The following NME8 variants were observed in gnomAD, a reference collection of about 807,000 sequenced individuals.
NME8 encodes the protein NME/NM23 family member 8, also known as protein NME8.
A neutral mutation model predicts 82.3 loss-of-function variants in NME8; 72 were observed. The ratio of observed to expected loss-of-function variants is 0.87; its 90% CI spans 0.72 to 1.06. The LOEUF is 1.06. NME8 is among the 50% of genes least tolerant of loss of function. The pLI, the probability that NME8 is intolerant of heterozygous loss-of-function variation, is 0.00. For synonymous variants in NME8, 267 were observed against 228.5 expected (o/e 1.17, Z -1.52); for missense variants, 712 against 685.4 (o/e 1.04, Z -0.43).
intron 6 of NME8, among the ~76,000 whole-genome samples, chr7:37,857,951 C>T (rs1784537488): frequency 6.6e-6 from 1 of 152,178 alleles, no homozygotes; most frequent in Admixed American, 6.6e-5. Flanking sequence ...AATCTCAGCA[C>T]TTTGGGAGGC....
At chr7:37,849,648 A>ATCACG (rs950269948) in intron 2 of NME8, among the ~76,000 whole-genome samples, 1 of 152,122 alleles carries the variant, frequency 6.6e-6, no homozygotes, top group African/African-American at 2.4e-5. Context: ...AGGTGGGAGG[A>ATCACG]TCACGGGTCA....
At chr7:37,875,341 G>C (rs1181538881) in intron 11 of NME8, among the ~76,000 whole-genome samples, 1 of 151,952 alleles carries the variant, frequency 6.6e-6, no homozygotes, top group East Asian at 1.9e-4. Context: ...AATATTTCCT[G>C]AAGTATTTAG....
intron 11 of NME8, among the ~76,000 whole-genome samples, chr7:37,871,799 AG>A (rs981132205): frequency 5.3e-5 from 8 of 152,092 alleles, no homozygotes; most frequent in Non-Finnish European, 1.2e-4. Flanking sequence ...AGCTATAGGG[AG>A]CTTAATTTTT....
At chr7:37,859,451 T>C (rs1004137635) in intron 6 of NME8, among the ~76,000 whole-genome samples, 1 of 152,236 alleles carries the variant, frequency 6.6e-6, no homozygotes, top group African/African-American at 2.4e-5. Flanking sequence ...CTCGCTTCCT[T>C]GGCTTACCTT....
rs2598022 is a variant in NME8 at position 37,876,709 on chromosome 7, A to T, written c.819-123A>T. The T allele has an allele frequency of 0.38, 272,214 of 712,662 alleles. 54,595 individuals carry two copies. The highest frequency in any genetic ancestry group is 0.53 in the East Asian group (19,484 of 36,446). The allele number at this position is 712,662 out of a possible 1,614,324, so 44.1% of individuals were successfully genotyped here. A position where few individuals can be genotyped will look rare whatever the true frequency, so the allele number is the denominator to read the frequency against. On this transcript the variant is annotated intron_variant, in intron 11 of 17. Transcript: ENST00000199447. ...ATAGGGAGATGCAATTTATCTTTAC[A>T]TGACATTTAATTTTTGTTTTATTAA...
At chr7:37,851,646 A>G (rs972399413) in intron 5 of NME8, among the ~76,000 whole-genome samples, 2 of 152,134 alleles carry the variant, frequency 1.3e-5, no homozygotes, top group Non-Finnish European at 2.9e-5. Flanking sequence ...AGTAAAATTT[A>G]TTATCACATT....
intron 11 of NME8, among the ~76,000 whole-genome samples, chr7:37,874,235 TA>T (rs1196211642): frequency 1.3e-5 from 2 of 152,148 alleles, no homozygotes; most frequent in African/African-American, 4.8e-5. Context: ...ATACAGTCCA[TA>T]ATTCTGGGTT....
At chr7:37,889,583 T>C (rs1785097871) in intron 15 of NME8, among the ~76,000 whole-genome samples, 2 of 152,026 alleles carry the variant, frequency 1.3e-5, no homozygotes, top group African/African-American at 2.4e-5. Context: ...AATTAATTAT[T>C]GAAATTTTGT....
Position 37,848,641 on chromosome 7 carries a change from T to C in NME8, c.-328T>C, listed in dbSNP as rs1382776085. The C allele has an allele frequency of 6.6e-6, 1 of 152,412 alleles. No individual in the cohort carries two copies. The highest frequency in any genetic ancestry group is 1.5e-5 in the Non-Finnish European group (1 of 68,196). The allele number at this position is 152,412 out of a possible 1,614,324, so 9.4% of individuals were successfully genotyped here. A position where few individuals can be genotyped will look rare whatever the true frequency, so the allele number is the denominator to read the frequency against. ...GCTGAAGAACAGAGTCTTGTGATGGTGGAACCAGGACTTCGTTGTTCCTTC... is the reference window on the plus strand; with the variant it reads ...GCTGAAGAACAGAGTCTTGTGATGGCGGAACCAGGACTTCGTTGTTCCTTC... On this transcript the variant is annotated 5_prime_UTR_variant, in exon 1 of 18. Coordinates refer to ENST00000199447, the MANE Select transcript of NME8 (RefSeq NM_016616.5).
At chr7:37,894,366 T>A (rs1785183441) in intron 15 of NME8, 100 bp from the exon 16 acceptor site, 2 of 1,279,522 alleles carry the variant, frequency 1.6e-6, no homozygotes, top group Admixed American at 3.5e-5. Context: ...AACCACAATA[T>A]GCAAATTAAA....
At chr7:37,858,241 G>A (rs1304951327) in intron 6 of NME8, among the ~76,000 whole-genome samples, 1 of 152,112 alleles carries the variant, frequency 6.6e-6, no homozygotes, top group Non-Finnish European at 1.5e-5. Context: ...TTCCTCCACT[G>A]TGGATATTTA....
intron 16 of NME8, 127 bp from the exon 17 acceptor site, chr7:37,896,743 G>A (rs576649259): frequency 2.1e-4 from 168 of 782,762 alleles, no homozygotes; most frequent in Non-Finnish European, 3.3e-4. Flanking sequence ...GTACATGATT[G>A]CACTGATAAG....
chr7:37,885,993 G>A (rs996900226), intron 14 of NME8, among the ~76,000 whole-genome samples: 1 of 152,156 alleles, frequency 6.6e-6, no homozygotes, highest in Non-Finnish European at 1.5e-5. Context: ...CTGCAAACAT[G>A]ACATACATGT....
chr7:37,881,803 A>G (rs1461153745), intron 12 of NME8, among the ~76,000 whole-genome samples: 1 of 152,194 alleles, frequency 6.6e-6, no homozygotes, highest in East Asian at 1.9e-4. Flanking sequence ...ATTTTTCAGA[A>G]TGTTATTAAG....
chr7:37,862,218 G>A, intron 7 of NME8, 74 bp downstream of exon 7: 6 of 947,590 alleles, frequency 6.3e-6, no homozygotes, highest in Non-Finnish European at 1.0e-5. Context: ...ATGCACTACT[G>A]GTGCTAGGTA....
rs1483440031 is a variant in NME8, at chr7:37,867,876, A to G, written c.796A>G (p.Met266Val). Reference protein sequence around the residue: ...PEVEAQVTPGMMKNKQDSLQE... With the variant: ...PEVEAQVTPGVMKNKQDSLQE... ...GGTCGAAGCCCAGGTTACACCTGGAATGATGAAGAACAAACAAGACAGGTA... is the reference window on the plus strand; with the variant it reads ...GGTCGAAGCCCAGGTTACACCTGGAGTGATGAAGAACAAACAAGACAGGTA... Residue 266 changes from methionine to valine, a missense_variant, in exon 11 of 18, where the codon ATG becomes GTG. By Grantham distance (21) the Met-to-Val change is conservative (BLOSUM62 1). Transcript: ENST00000199447. 1.9e-6 allele frequency: 3 copies of G among 1,613,660 alleles called. No individual in the cohort carries two copies. Among genetic ancestry groups the G allele is most frequent in the Non-Finnish European group, 2.5e-6 (3 of 1,179,708 alleles).
intron 15 of NME8, among the ~76,000 whole-genome samples, chr7:37,888,791 T>C (rs1785082640): frequency 6.6e-6 from 1 of 152,128 alleles, no homozygotes; most frequent in Non-Finnish European, 1.5e-5. Context: ...CTTCCATTCC[T>C]ATTTACATGT....
intron 2 of NME8, 118 bp from the exon 3 acceptor site, chr7:37,850,142 C>T (rs1562826562): frequency 1.4e-6 from 1 of 737,776 alleles, no homozygotes; most frequent in African/African-American, 1.8e-5. Context: ...TAAATATATA[C>T]ACCTACTATG....
At chr7:37,860,461 G>C (rs1248538768) in intron 6 of NME8, among the ~76,000 whole-genome samples, 1 of 152,094 alleles carries the variant, frequency 6.6e-6, no homozygotes, top group Non-Finnish European at 1.5e-5. Context: ...TTTGAATATG[G>C]TGACCATGCC....
Sources: allele counts gnomAD v4.1 joint callset (sites outside exome capture counted in the v4.1 genomes callset), GRCh38; gene constraint gnomAD v4.1.1; transcripts MANE v1.5; gene names NCBI Gene and HGNC (gene_info 2026-07-23, HGNC 2026-07-21).